TSPAN11: variants seen among roughly 807,000 people sequenced by gnomAD.
TSPAN11 encodes tetraspanin 11, also known as tetraspanin-11.
A neutral mutation model predicts 32.9 loss-of-function variants in TSPAN11; 29 were observed. The observed-to-expected ratio is 0.88, with a 90% CI of 0.66 to 1.20. The LOEUF is 1.20. Ranked by LOEUF, TSPAN11 falls within the 50% of genes most tolerant of loss-of-function variation. The probability of loss-of-function intolerance (pLI) is 0.00; values close to 1 mark genes in which losing one functional copy is unlikely to be tolerated. For synonymous variants in TSPAN11, 140 were observed against 141.3 expected (o/e 0.99, Z 0.07); for missense variants, 283 against 329.1 (o/e 0.86, Z 1.08).
chr12:30,964,440 CTCT>C (rs892522295), intron 3 of TSPAN11, among the ~76,000 whole-genome samples: 1 of 151,864 alleles, frequency 6.6e-6, no homozygotes, highest in African/African-American at 2.4e-5. Context: ...CTTCCTCCTC[CTCT>C]TCCTCTTCCT....
intron 3 of TSPAN11, among the ~76,000 whole-genome samples, chr12:30,969,546 C>G (rs1938806036): frequency 6.6e-6 from 1 of 152,186 alleles, no homozygotes; most frequent in South Asian, 2.1e-4. Context: ...TCCTGAAGAG[C>G]TGACCGCTCA....
chr12:30,983,576 T>A (rs550930668), intron 7 of TSPAN11, among the ~76,000 whole-genome samples: 1 of 152,168 alleles, frequency 6.6e-6, no homozygotes, highest in Non-Finnish European at 1.5e-5. Flanking sequence ...TGTGCACGTA[T>A]CTGCATTCAT....
downstream of TSPAN11, among the ~76,000 whole-genome samples, chr12:31,000,013 T>TA (rs967898454): frequency 2.0e-5 from 3 of 150,930 alleles, no homozygotes; most frequent in African/African-American, 7.2e-5. Flanking sequence ...GGAGTGTTGT[T>TA]ACTCTTTCTG....
chr12:30,985,866 C>G (rs1374896849), intron 7 of TSPAN11, among the ~76,000 whole-genome samples: 1 of 152,248 alleles, frequency 6.6e-6, no homozygotes, highest in Non-Finnish European at 1.5e-5. Flanking sequence ...ACTCCTCCTG[C>G]CCACTCAAAA....
chr12:31,000,359 AG>A (rs1245861221), downstream of TSPAN11, among the ~76,000 whole-genome samples: 1 of 152,196 alleles, frequency 6.6e-6, no homozygotes, highest in Non-Finnish European at 1.5e-5. Flanking sequence ...CCCGGCTTTC[AG>A]CCTGGAGGAT....
At chr12:31,000,142 A>C (rs1053777582), downstream of TSPAN11, among the ~76,000 whole-genome samples, 5 of 152,236 alleles carry the variant, frequency 3.3e-5, no homozygotes, top group African/African-American at 1.2e-4. Flanking sequence ...TCCCAGTGCC[A>C]ATATCTTTGA....
chr12:31,014,924 AATAAATAGTTG>A, the TSPAN11 span, among the ~76,000 whole-genome samples: 10 of 152,240 alleles, frequency 6.6e-5, no homozygotes, highest in Admixed American at 2.6e-4. Context: ...GTGGAAAGAC[AATAAATAGTTG>A]ATAAATAATA....
At chr12:30,972,796 G>A (rs11051191) in intron 3 of TSPAN11, among the ~76,000 whole-genome samples, 6 of 151,032 alleles carry the variant, frequency 4.0e-5, no homozygotes, top group Non-Finnish European at 7.4e-5. Flanking sequence ...GAGGAAAGCC[G>A]GCTGCGCAGG....
chr12:30,987,475 C>T (rs771974362), intron 7 of TSPAN11, among the ~76,000 whole-genome samples: 1 of 152,096 alleles, frequency 6.6e-6, no homozygotes, highest in Non-Finnish European at 1.5e-5. Flanking sequence ...GGCATGGAGG[C>T]GCGCGCCTGT....
At chr12:30,982,446 G>C (rs778913944) in intron 5 of TSPAN11, 86 bp from the exon 6 acceptor site, 29 of 1,507,374 alleles carry the variant, frequency 1.9e-5, no homozygotes, top group Non-Finnish European at 2.4e-5. Context: ...ATAGGGGTTG[G>C]GTTAGTATTT....
chr12:30,951,149 A>G (rs1006565316), intron 1 of TSPAN11, among the ~76,000 whole-genome samples: 8 of 152,224 alleles, frequency 5.3e-5, no homozygotes, highest in African/African-American at 1.9e-4. Flanking sequence ...GTACCCTATA[A>G]TGACAGGATT....
At chr12:30,946,293 A>T (rs1324297043) in intron 1 of TSPAN11, among the ~76,000 whole-genome samples, 1 of 152,192 alleles carries the variant, frequency 6.6e-6, no homozygotes, top group African/African-American at 2.4e-5. Context: ...AACCTAATGA[A>T]TCAGAAACTT....
At chr12:30,926,852 C>A in intron 1 of TSPAN11, 56 bp downstream of exon 1, 2 of 1,039,132 alleles carry the variant, frequency 1.9e-6, no homozygotes, top group Non-Finnish European at 2.5e-6. Flanking sequence ...GGCTGGGGGT[C>A]CAGGAGAGGC....
chr12:30,961,457 C>T (rs1032805427), intron 2 of TSPAN11, among the ~76,000 whole-genome samples: 2 of 151,920 alleles, frequency 1.3e-5, no homozygotes, highest in Non-Finnish European at 2.9e-5. Context: ...GAACTAGAAC[C>T]CAGGCTGCTG....
At chr12:31,004,824 C>G in the TSPAN11 span, among the ~76,000 whole-genome samples, 1 of 152,224 alleles carries the variant, frequency 6.6e-6, no homozygotes, top group African/African-American at 2.4e-5. Flanking sequence ...AGGGACCTGC[C>G]AGCTCTGCTG....
intron 1 of TSPAN11, among the ~76,000 whole-genome samples, chr12:30,937,885 A>G (rs1038228998): frequency 6.6e-6 from 1 of 152,224 alleles, no homozygotes; most frequent in Non-Finnish European, 1.5e-5. Flanking sequence ...GCATGGTTGA[A>G]GCTGATTTCA....
intron 1 of TSPAN11, 136 bp downstream of exon 1, chr12:30,926,932 CA>C: frequency 4.7e-6 from 6 of 1,282,464 alleles, no homozygotes; most frequent in Non-Finnish European, 6.1e-6. Context: ...CCCGGGCGGG[CA>C]GAGGGAAGCC....
chr12:31,009,674 G>A, the TSPAN11 span, among the ~76,000 whole-genome samples: 6 of 152,222 alleles, frequency 3.9e-5, no homozygotes, highest in Middle Eastern at 6.8e-3. Flanking sequence ...CCATCTGTCC[G>A]TCCACCGCCA....
At chr12:30,972,119 C>T (rs1938864089) in intron 3 of TSPAN11, among the ~76,000 whole-genome samples, 1 of 152,174 alleles carries the variant, frequency 6.6e-6, no homozygotes, top group Non-Finnish European at 1.5e-5. Context: ...TTGGAATTCT[C>T]GTTACCTGTT....
Sources: allele counts gnomAD v4.1 joint callset (sites outside exome capture counted in the v4.1 genomes callset), GRCh38; gene constraint gnomAD v4.1.1; transcripts MANE v1.5; gene names NCBI Gene and HGNC (gene_info 2026-07-23, HGNC 2026-07-21).